ZNF84: variants seen among roughly 807,000 people sequenced by gnomAD.
The protein encoded by ZNF84 is zinc finger protein 84, also known as zinc finger protein HPF2.
ZNF84 carries 12 observed loss-of-function variants against 14.8 expected under a neutral mutation model. That is an observed-to-expected ratio of 0.81 (90% CI 0.52 to 1.31). The LOEUF (loss-of-function observed/expected upper bound fraction) is 1.31, where lower values mean the gene tolerates loss of function less well. Ranked by LOEUF, ZNF84 falls within the 50% of genes most tolerant of loss-of-function variation. ZNF84 has a pLI of 0.00. For missense variants in ZNF84, 859 were observed against 878.6 expected (o/e 0.98, Z 0.28); for synonymous variants, 347 against 291.1 (o/e 1.19, Z -1.96).
chr12:133,049,568 C>G (rs1954039682), intron 4 of ZNF84, among the ~76,000 whole-genome samples: 1 of 152,052 alleles, frequency 6.6e-6, no homozygotes, highest in African/African-American at 2.4e-5. Flanking sequence ...ACTACTCCAC[C>G]TCCTAGGTTC....
chr12:133,058,791 C>T lies in ZNF84; in HGVS notation c.2076C>T (p.Phe692=). The T allele has an allele frequency of 6.2e-7, 1 of 1,614,004 alleles. No individual in the cohort carries two copies. Among genetic ancestry groups the T allele is most frequent in the South Asian group, 1.1e-5 (1 of 91,076 alleles). ...GATGCAGTGAATGTAGGAAGGCCTTCTCTCAGAAGTCACAGCTGGTTAATC... is the reference window on the plus strand; with the variant it reads ...GATGCAGTGAATGTAGGAAGGCCTTTTCTCAGAAGTCACAGCTGGTTAATC... ...PYGCSECRKA[F]SQKSQLVNHQ... The change falls in exon 5 of 5, where the codon TTC becomes TTT. Residue 692 remains phenylalanine, a synonymous_variant. Transcript: ENST00000539354.
At chr12:133,049,612 T>C (rs914186622) in intron 4 of ZNF84, among the ~76,000 whole-genome samples, 16 of 152,236 alleles carry the variant, frequency 1.1e-4, no homozygotes, top group Non-Finnish European at 2.2e-4. Context: ...TCTGAGCAGC[T>C]GGGACTACAG....
intron 2 of ZNF84, among the ~76,000 whole-genome samples, chr12:133,046,329 A>G (rs1029520165): frequency 2.5e-5 from 3 of 118,724 alleles, no homozygotes; most frequent in Admixed American, 2.4e-4. Flanking sequence ...ATGTTTTTGT[A>G]TCTCTTCAGT....
At chr12:133,052,309 G>A (rs1364738429) in intron 4 of ZNF84, among the ~76,000 whole-genome samples, 1 of 151,632 alleles carries the variant, frequency 6.6e-6, no homozygotes, top group Admixed American at 6.6e-5. Context: ...TGTACATGGA[G>A]AGAGAGAGAG....
chr12:133,062,410 C>T lies in ZNF84; in HGVS notation c.*3478C>T, dbSNP rs1214307628. The T allele has an allele frequency of 6.6e-6, 1 of 152,206 alleles. No homozygotes were observed. The highest frequency in any genetic ancestry group is 1.5e-5 in the Non-Finnish European group (1 of 68,036). The allele number at this position is 152,206 out of a possible 1,614,324, so 9.4% of individuals were successfully genotyped here. ...AAAAGTAACTTTCTAGCAAAATCTA[C>T]AGCAGTAGGCATTTGGAATCTGCAT... On this transcript the variant is annotated 3_prime_UTR_variant, in exon 5 of 5. Transcript: ENST00000539354.
rs2137442728 is a variant in ZNF84, at chr12:133,061,978, C to T, written c.*3046C>T. 6.6e-6 allele frequency: 1 copy of T among 152,214 alleles called. No homozygotes were observed. The highest frequency in any genetic ancestry group is 2.4e-5 in the African/African-American group (1 of 41,532). 9.4% of individuals were successfully genotyped at this position (152,214 alleles called of 1,614,324 possible). A position where few individuals can be genotyped will look rare whatever the true frequency, so the allele number is the denominator to read the frequency against. On this transcript the variant is annotated 3_prime_UTR_variant, in exon 5 of 5. Coordinates refer to ENST00000539354, the MANE Select transcript of ZNF84 (RefSeq NM_001289971.2). Reference sequence around the variant, plus strand: ...GTCTCTGCATTGCCCCTTATTGTTTCCTACCACAAATTCTACATCAAGAAG... The same window carrying T: ...GTCTCTGCATTGCCCCTTATTGTTTTCTACCACAAATTCTACATCAAGAAG...
Position 133,057,244 on chromosome 12 carries a change from T to C in ZNF84, c.529T>C (p.Leu177=). ...HSKPEDTDTW[L]KYYDCDKYKE... ...CAAGCCTGAGGATACTGATACCTGG[T>C]TAAAATACTATGACTGTGATAAATA... Residue 177 remains leucine (L), a synonymous_variant, in exon 5 of 5, where the codon TTA becomes CTA. Coordinates refer to ENST00000539354, the MANE Select transcript of ZNF84 (RefSeq NM_001289971.2). The C allele has an allele frequency of 2.5e-6, 4 of 1,613,970 alleles. No individual in the cohort carries two copies. In the South Asian group the frequency reaches 4.4e-5, roughly 18 times the overall value.
chr12:133,054,613 G>A (rs1010452010), intron 4 of ZNF84, among the ~76,000 whole-genome samples: 39 of 95,896 alleles, frequency 4.1e-4, no homozygotes, highest in African/African-American at 1.4e-3. Context: ...GTTGCATTAA[G>A]TGGCTTTCCT....
At position 133,057,841 on chromosome 12, in the gene ZNF84, G is replaced by T; in HGVS notation, c.1126G>T (p.Gly376Ter). 6.2e-7 allele frequency: 1 copy of T among 1,613,442 alleles called. No individual in the cohort carries two copies. The highest frequency in any genetic ancestry group is 8.5e-7 in the Non-Finnish European group (1 of 1,179,574). ...AACTCACACAGGAACAAAACCCTTT[G>T]GATGTAGTGATTGTAGAAAAGCATT... ...HRTHTGTKPF[G>*]CSDCRKAFFE... The change falls in exon 5 of 5, where the codon GGA becomes TGA. Residue 376 changes from glycine (G) to a stop codon, truncating the protein, a stop_gained. Coordinates refer to ENST00000539354, the MANE Select transcript of ZNF84 (RefSeq NM_001289971.2). LOFTEE classifies it low-confidence loss of function (END_TRUNC).
chr12:133,045,251 A>C (rs936021624), intron 2 of ZNF84, among the ~76,000 whole-genome samples: 2 of 152,078 alleles, frequency 1.3e-5, no homozygotes, highest in Non-Finnish European at 2.9e-5. Context: ...TGGGTGGATC[A>C]CCTGACGTCA....
chr12:133,038,320 C>T (rs1205252751), intron 1 of ZNF84, among the ~76,000 whole-genome samples: 2 of 152,048 alleles, frequency 1.3e-5, no homozygotes, highest in Admixed American at 6.6e-5. Flanking sequence ...TATAACTTCT[C>T]TGGAGCCAGT....
chr12:133,052,393 G>A (rs1406585113), intron 4 of ZNF84, among the ~76,000 whole-genome samples: 39 of 152,098 alleles, frequency 2.6e-4, no homozygotes, highest in African/African-American at 8.9e-4. Context: ...CCCACCTGGA[G>A]TGCAATGGCA....
At chr12:133,055,171 A>G (rs1319488604) in intron 4 of ZNF84, among the ~76,000 whole-genome samples, 1 of 152,170 alleles carries the variant, frequency 6.6e-6, no homozygotes, top group Non-Finnish European at 1.5e-5. Flanking sequence ...TATAGGACTC[A>G]TTCTCTATTT....
In ZNF84 at chr12:133,058,224, T is replaced by G. The variant is rs1954196514; in HGVS notation, c.1509T>G (p.Thr503=). The G allele has an allele frequency of 3.1e-6, 5 of 1,613,632 alleles. No individual in the cohort carries two copies. In the African/African-American group the frequency reaches 6.7e-5, roughly 22 times the overall value. ...GKAFSEKLSL[T]NHQRIHTGEK... ...CTTTCAGTGAAAAATTAAGTCTCAC[T>G]AATCATCAAAGAATTCATACAGGAG... The change falls in exon 5 of 5, where the codon ACT becomes ACG. Residue 503 remains threonine (T), a synonymous_variant. Coordinates refer to ENST00000539354, the MANE Select transcript of ZNF84 (RefSeq NM_001289971.2).
rs1265686525 is a variant in ZNF84 at position 133,060,013 on chromosome 12, A to G, written c.*1081A>G. 13 of 152,222 alleles carry G rather than the reference A, an allele frequency of 8.5e-5. No individual in the cohort carries two copies. Among genetic ancestry groups the G allele is most frequent in the South Asian group, 2.1e-4 (1 of 4,834 alleles). The allele number at this position is 152,222 out of a possible 1,614,324, so 9.4% of individuals were successfully genotyped here. On this transcript the variant is annotated 3_prime_UTR_variant, in exon 5 of 5. Transcript: ENST00000539354. Reference sequence around the variant, plus strand: ...AATAACCATAGTAATATATAACTGAATGAGCAAAATAAAGGTGTGTGAACT... The same window carrying G: ...AATAACCATAGTAATATATAACTGAGTGAGCAAAATAAAGGTGTGTGAACT...
rs1953823132 is a variant in ZNF84 at position 133,038,246 on chromosome 12, T to A, written c.-191+701T>A. Among the ~76,000 whole-genome samples the A allele has an allele frequency of 2.0e-5, 3 of 152,038 alleles. No individual in the cohort carries two copies. The South Asian group carries it at 6.2e-4, about 32-fold the overall frequency. Reference sequence around the variant, plus strand: ...AATAATTTAATTTTACTGATGGCTTTGAAATGCTACATTTATTGCATGCTG... The same window carrying A: ...AATAATTTAATTTTACTGATGGCTTAGAAATGCTACATTTATTGCATGCTG... On this transcript the variant is annotated intron_variant, in intron 1 of 4. Coordinates refer to ENST00000539354, the MANE Select transcript of ZNF84 (RefSeq NM_001289971.2).
At chr12:133,054,028 A>G (rs947030307) in intron 4 of ZNF84, among the ~76,000 whole-genome samples, 3 of 152,220 alleles carry the variant, frequency 2.0e-5, no homozygotes, top group Admixed American at 2.0e-4. Context: ...ACCTCTAGGT[A>G]CAACCTCACA....
In ZNF84 at chr12:133,041,264, C is replaced by G. The variant is rs1476684120; in HGVS notation, c.-190-14C>G. 5.3e-6 allele frequency: 3 copies of G among 562,320 alleles called. No homozygotes were observed. The highest frequency in any genetic ancestry group is 9.5e-6 in the Non-Finnish European group (3 of 316,036). The allele number at this position is 562,320 out of a possible 1,614,324, so 34.8% of individuals were successfully genotyped here. A position where few individuals can be genotyped will look rare whatever the true frequency, so the allele number is the denominator to read the frequency against. On this transcript the variant is annotated splice_polypyrimidine_tract_variant and intron_variant, in intron 1 of 4. Coordinates refer to ENST00000539354, the MANE Select transcript of ZNF84 (RefSeq NM_001289971.2). The stretch of plus-strand genomic sequence containing the variant: ...CAATGTGAATATACCAGTTGAAGTA[C>G]ATTTCTCCCGAAGTCCACAGATCCT...
chr12:133,057,462 G>A lies in ZNF84; in HGVS notation c.747G>A (p.Gln249=). 6.2e-7 allele frequency: 1 copy of A among 1,614,132 alleles called. No homozygotes were observed. Among genetic ancestry groups the A allele is most frequent in the South Asian group, 1.1e-5 (1 of 91,088 alleles). ...NCGKTFPQKS[Q]FITHHRTHTG... ...GCAAAACCTTTCCCCAGAAGTCTCA[G>A]TTTATTACACATCACAGAACTCATA... The change falls in exon 5 of 5, where the codon CAG becomes CAA. Residue 249 remains glutamine (Q), a synonymous_variant. Coordinates refer to ENST00000539354, the MANE Select transcript of ZNF84 (RefSeq NM_001289971.2).
Sources: allele counts gnomAD v4.1 joint callset (sites outside exome capture counted in the v4.1 genomes callset), GRCh38; gene constraint gnomAD v4.1.1; transcripts MANE v1.5; gene names NCBI Gene and HGNC (gene_info 2026-07-23, HGNC 2026-07-21).